ADCY8: variants seen among roughly 807,000 people sequenced by gnomAD.
ADCY8 encodes adenylate cyclase 8.
In ADCY8, 51 loss-of-function variants were observed where a neutral mutation model predicts 119.7. That is an observed-to-expected ratio of 0.43 (90% CI 0.34 to 0.54). ADCY8 has a LOEUF of 0.54. Among genes scored for constraint, ADCY8 ranks in the 20% least tolerant of loss-of-function variants. The pLI is 0.03. For synonymous variants in ADCY8, 665 were observed against 651.0 expected, an observed-to-expected ratio of 1.02 and a Z score of -0.33; for missense variants, 1,383 against 1,598.8, an observed-to-expected ratio of 0.87 and a Z score of 2.30.
intron 1 of ADCY8, among the ~76,000 whole-genome samples, chr8:131,018,703 G>C (rs1823558343): frequency 6.6e-6 from 1 of 152,212 alleles, no homozygotes; most frequent in African/African-American, 2.4e-5. Context: ...TGAAGGAATT[G>C]AGGCTTATGG....
chr8:130,960,351 T>A (rs540163103), intron 2 of ADCY8, among the ~76,000 whole-genome samples: 1 of 152,282 alleles, frequency 6.6e-6, no homozygotes, highest in Non-Finnish European at 1.5e-5. Context: ...CATGTAGACA[T>A]CATTAATTGA....
chr8:130,902,969 C>T (rs1819651045), intron 7 of ADCY8, among the ~76,000 whole-genome samples: 1 of 151,900 alleles, frequency 6.6e-6, no homozygotes, highest in African/African-American at 2.4e-5. Flanking sequence ...AAGGGAAAAT[C>T]CATATTAGAG....
chr8:130,829,758 AG>A (rs1421957019), intron 12 of ADCY8, among the ~76,000 whole-genome samples: 1 of 152,232 alleles, frequency 6.6e-6, no homozygotes, highest in Non-Finnish European at 1.5e-5. Flanking sequence ...GATTTAGCCA[AG>A]GTTAACACTA....
chr8:130,852,224 T>G (rs1817554137), intron 9 of ADCY8, among the ~76,000 whole-genome samples: 1 of 152,200 alleles, frequency 6.6e-6, no homozygotes, highest in Non-Finnish European at 1.5e-5. Flanking sequence ...AAGTGACTCC[T>G]CCCACAGCCT....
intron 12 of ADCY8, among the ~76,000 whole-genome samples, chr8:130,831,228 C>T (rs1361708962): frequency 6.6e-6 from 1 of 152,202 alleles, no homozygotes; most frequent in African/African-American, 2.4e-5. Flanking sequence ...TGAGCTAATG[C>T]TTCTTTCAGT....
At chr8:130,880,790 C>T (rs1252175102) in intron 8 of ADCY8, among the ~76,000 whole-genome samples, 1 of 152,150 alleles carries the variant, frequency 6.6e-6, no homozygotes, top group Non-Finnish European at 1.5e-5. Flanking sequence ...GGAGGTGATA[C>T]TAATTTCACA....
intron 5 of ADCY8, among the ~76,000 whole-genome samples, chr8:130,921,449 C>CTTTTTTTTTTTTTTTTTT (rs35570520): frequency 1.9e-5 from 2 of 107,630 alleles, no homozygotes; most frequent in Non-Finnish European, 3.9e-5. Flanking sequence ...TTTTTCTTTT[C>CTTTTTTTTTTTTTTTTTT]TTTTTTTTTT....
intron 11 of ADCY8, among the ~76,000 whole-genome samples, chr8:130,843,541 G>A (rs538796984): frequency 1.3e-5 from 2 of 152,282 alleles, no homozygotes; most frequent in Non-Finnish European, 1.5e-5. Context: ...TAAAGCTCAG[G>A]CAATCACTTG....
intron 14 of ADCY8, among the ~76,000 whole-genome samples, chr8:130,807,901 G>T (rs370822261): frequency 2.2e-5 from 3 of 137,648 alleles, no homozygotes; most frequent in Non-Finnish European, 4.7e-5. Flanking sequence ...GGAGAATGGC[G>T]TGAACCCGGG....
chr8:130,832,481 G>A (rs926012011), intron 12 of ADCY8, among the ~76,000 whole-genome samples: 10 of 152,146 alleles, frequency 6.6e-5, no homozygotes, highest in African/African-American at 2.4e-4. Context: ...CAAACAGCGT[G>A]AGTAGCCTAC....
chr8:131,032,018 A>G (rs1824012926), intron 1 of ADCY8, among the ~76,000 whole-genome samples: 1 of 152,244 alleles, frequency 6.6e-6, no homozygotes, highest in Admixed American at 6.5e-5. Context: ...AAAGATTCTG[A>G]AACGGTTTAC....
At chr8:130,873,979 T>G (rs1818462016) in intron 8 of ADCY8, among the ~76,000 whole-genome samples, 1 of 152,104 alleles carries the variant, frequency 6.6e-6, no homozygotes, top group Admixed American at 6.6e-5. Flanking sequence ...ATTCATGCAT[T>G]CTGTAGCATG....
chr8:130,858,323 C>A lies in ADCY8; in HGVS notation c.2211-8520G>T, dbSNP rs761961003. Reference sequence around the variant, plus strand: ...ATCTTCCATTTAGTTGTTATGTCTCCTTAGGTGCCTCCTTGCTGTGACATT... The same window carrying A: ...ATCTTCCATTTAGTTGTTATGTCTCATTAGGTGCCTCCTTGCTGTGACATT... On this transcript the variant is annotated intron_variant, in intron 9 of 17. Coordinates refer to ENST00000286355, the MANE Select transcript of ADCY8 (RefSeq NM_001115.3). Among the ~76,000 whole-genome samples, 11 of 152,116 alleles carry A rather than the reference C, an allele frequency of 7.2e-5. 1 individual carries two copies. Among genetic ancestry groups the A allele is most frequent in the Non-Finnish European group, 8.8e-5 (6 of 68,018 alleles).
chr8:130,990,689 C>T, intron 1 of ADCY8, 147 bp from the exon 2 acceptor site: 1 of 989,174 alleles, frequency 1.0e-6, no homozygotes, highest in South Asian at 2.1e-5. Context: ...CTATGCCCTT[C>T]ATTCAGATCT....
At position 131,028,401 on chromosome 8, in the gene ADCY8, C is replaced by T. The variant is rs535593345; in HGVS notation, c.960+10973G>A. ...GACTTTGTAGTCACTGCACATTGAC[C>T]ACTTGGGGCCATGAACTCATTCTCA... On this transcript the variant is annotated intron_variant, in intron 1 of 17. Transcript: ENST00000286355. Among the ~76,000 whole-genome samples, 8 of 152,222 alleles carry T rather than the reference C, an allele frequency of 5.3e-5. No individual in the cohort carries two copies. In the East Asian group the frequency reaches 1.4e-3, roughly 26 times the overall value.
chr8:130,981,003 A>G (rs561020129), intron 2 of ADCY8, among the ~76,000 whole-genome samples: 26 of 152,272 alleles, frequency 1.7e-4, no homozygotes, highest in African/African-American at 6.0e-4. Flanking sequence ...GCTGTGTCCT[A>G]TCTTTCTTTA....
chr8:130,929,785 A>G (rs1403563738), intron 5 of ADCY8, among the ~76,000 whole-genome samples: 1 of 152,178 alleles, frequency 6.6e-6, no homozygotes, highest in Non-Finnish European at 1.5e-5. Context: ...CTTCATATCT[A>G]TTAATATTTG....
At chr8:130,787,840 ATT>A (rs1282177653) in intron 15 of ADCY8, among the ~76,000 whole-genome samples, 1 of 150,752 alleles carries the variant, frequency 6.6e-6, no homozygotes, top group Non-Finnish European at 1.5e-5. Context: ...ACATGTGTGC[ATT>A]TGTGTGTAGT....
At chr8:130,981,888 A>G (rs1803477355) in intron 2 of ADCY8, among the ~76,000 whole-genome samples, 2 of 152,184 alleles carry the variant, frequency 1.3e-5, no homozygotes, top group Admixed American at 6.5e-5. Context: ...ATGTCAGCCA[A>G]TGGGTCAGAT....
Sources: allele counts gnomAD v4.1 joint callset (sites outside exome capture counted in the v4.1 genomes callset), GRCh38; gene constraint gnomAD v4.1.1; transcripts MANE v1.5; gene names NCBI Gene and HGNC (gene_info 2026-07-23, HGNC 2026-07-21).